HHAT: variants seen among roughly 807,000 people sequenced by gnomAD.
HHAT encodes protein-cysteine N-palmitoyltransferase HHAT.
A neutral mutation model predicts 70.8 loss-of-function variants in HHAT; 47 were observed. The ratio of observed to expected loss-of-function variants is 0.66; its 90% confidence interval spans 0.53 to 0.85. HHAT has a LOEUF of 0.85. Among genes scored for constraint, HHAT ranks in the 40% least tolerant of loss-of-function variants. HHAT has a pLI of 0.00. For synonymous variants in HHAT, 228 were observed against 247.6 expected, an observed-to-expected ratio of 0.92 and a Z score of 0.74; for missense variants, 609 against 604.8, an observed-to-expected ratio of 1.01 and a Z score of -0.07.
intron 9 of HHAT, among the ~76,000 whole-genome samples, chr1:210,546,738 G>C (rs934816297): frequency 6.6e-6 from 1 of 152,214 alleles, no homozygotes; most frequent in African/African-American, 2.4e-5. Flanking sequence ...AAGCAAGGCA[G>C]TGGTTGCAGT....
At chr1:210,517,506 A>G (rs1350439654) in intron 9 of HHAT, among the ~76,000 whole-genome samples, 1 of 152,206 alleles carries the variant, frequency 6.6e-6, no homozygotes, top group Non-Finnish European at 1.5e-5. Flanking sequence ...GAATTTAAAA[A>G]AATTGAACTC....
Position 210,674,495 on chromosome 1 carries a change from A to G in HHAT, c.*116A>G. On this transcript the variant is annotated 3_prime_UTR_variant, in exon 12 of 12. Coordinates refer to ENST00000261458, the MANE Select transcript of HHAT (RefSeq NM_018194.6). ...ATTTGATCTGCTCATCTTCAGTTGA[A>G]TGCCCTCACTCCAAGACTGGATGCT... 1 of 720,848 alleles carries G rather than the reference A, an allele frequency of 1.4e-6. No homozygotes were observed. Among genetic ancestry groups the G allele is most frequent in the African/African-American group, 1.7e-5 (1 of 57,268 alleles). The allele number at this position is 720,848 out of a possible 1,614,324, so 44.7% of individuals were successfully genotyped here. A position where few individuals can be genotyped will look rare whatever the true frequency, so the allele number is the denominator to read the frequency against.
At chr1:210,603,697 A>G (rs1464387881) in intron 10 of HHAT, among the ~76,000 whole-genome samples, 1 of 152,196 alleles carries the variant, frequency 6.6e-6, no homozygotes, top group Non-Finnish European at 1.5e-5. Context: ...GTGTGTGTGC[A>G]TGCCTATGTA....
At position 210,408,125 on chromosome 1, in the gene HHAT, T is replaced by G. The variant is rs751496512; in HGVS notation, c.684+3446T>G. Among the ~76,000 whole-genome samples the G allele has an allele frequency of 4.9e-4, 75 of 152,324 alleles. No homozygotes were observed. In the Middle Eastern group the frequency reaches 0.024, roughly 48 times the overall value. ...CCTCCCTCAGGATTGCTGTGAGGATTAAATGATTGTGTATAGGTAATGTGG... is the reference window on the plus strand; with the variant it reads ...CCTCCCTCAGGATTGCTGTGAGGATGAAATGATTGTGTATAGGTAATGTGG... On this transcript the variant is annotated intron_variant, in intron 6 of 11. Transcript: ENST00000261458.
chr1:210,400,756 G>T, intron 5 of HHAT, 94 bp downstream of exon 5: 1 of 1,208,012 alleles, frequency 8.3e-7, no homozygotes, highest in Non-Finnish European at 1.2e-6. Flanking sequence ...GACAAGAGAT[G>T]ATTGTAGAAC....
intron 9 of HHAT, among the ~76,000 whole-genome samples, chr1:210,519,773 C>T (rs1163105166): frequency 2.0e-5 from 3 of 151,206 alleles, no homozygotes; most frequent in African/African-American, 7.3e-5. Context: ...AGCGATTCTC[C>T]TGCCTTGGCC....
At chr1:210,457,256 C>T (rs376634836) in intron 7 of HHAT, among the ~76,000 whole-genome samples, 3 of 151,980 alleles carry the variant, frequency 2.0e-5, no homozygotes, top group South Asian at 4.1e-4. Context: ...ATTCTTGATT[C>T]GTCTTTATAT....
intron 11 of HHAT, among the ~76,000 whole-genome samples, chr1:210,652,539 G>A (rs1200247273): frequency 6.6e-6 from 1 of 152,154 alleles, no homozygotes; most frequent in East Asian, 1.9e-4. Flanking sequence ...ACTGCTCCCA[G>A]CCAAGCAGGC....
At chr1:210,608,409 T>C (rs1665948934) in intron 10 of HHAT, among the ~76,000 whole-genome samples, 5 of 152,234 alleles carry the variant, frequency 3.3e-5, no homozygotes. Flanking sequence ...TTTGGCTATC[T>C]ATTCTGTTGC....
chr1:210,564,929 T>TA (rs955869191), intron 9 of HHAT, among the ~76,000 whole-genome samples: 3 of 152,026 alleles, frequency 2.0e-5, no homozygotes, highest in Non-Finnish European at 2.9e-5. Context: ...TACCTGCTTT[T>TA]AAAAAAAGCC....
chr1:210,572,171 G>T (rs1033158546), intron 9 of HHAT, among the ~76,000 whole-genome samples: 1 of 152,136 alleles, frequency 6.6e-6, no homozygotes, highest in African/African-American at 2.4e-5. Context: ...AACTTTAAAA[G>T]GTGCCGTCTC....
chr1:210,613,885 T>C (rs1322482435), intron 10 of HHAT, among the ~76,000 whole-genome samples: 1 of 151,982 alleles, frequency 6.6e-6, no homozygotes, highest in African/African-American at 2.4e-5. Context: ...CCAATTGCAA[T>C]TAGCCACACC....
intron 11 of HHAT, among the ~76,000 whole-genome samples, chr1:210,655,672 G>A (rs1676236677): frequency 6.6e-6 from 1 of 152,160 alleles, no homozygotes; most frequent in South Asian, 2.1e-4. Context: ...TAACCGAAGT[G>A]GAAAAAATGT....
chr1:210,537,309 G>A lies in HHAT; in HGVS notation c.1043+24121G>A, dbSNP rs563129565. ...CTCACCCTTCTTCTGCTGTCTGCCC[G>A]TCCCACCAGTTCAGAAACATAGTCT... On this transcript the variant is annotated intron_variant, in intron 9 of 11. Transcript: ENST00000261458. Among the ~76,000 whole-genome samples the A allele has an allele frequency of 9.2e-5, 14 of 152,212 alleles. No individual in the cohort carries two copies. In the South Asian group the frequency reaches 1.0e-3, roughly 11 times the overall value.
intron 7 of HHAT, among the ~76,000 whole-genome samples, chr1:210,454,731 C>T (rs2093826528): frequency 6.6e-6 from 1 of 152,182 alleles, no homozygotes; most frequent in African/African-American, 2.4e-5. Flanking sequence ...ATTTAATATT[C>T]TACCTAGGTA....
intron 1 of HHAT, among the ~76,000 whole-genome samples, chr1:210,344,553 T>G (rs1002418597): frequency 1.3e-5 from 2 of 152,182 alleles, no homozygotes; most frequent in Non-Finnish European, 2.9e-5. Flanking sequence ...GGCAGGGGGC[T>G]CTGAATCTAG....
At chr1:210,417,837 C>G (rs2092770347) in intron 6 of HHAT, among the ~76,000 whole-genome samples, 1 of 152,148 alleles carries the variant, frequency 6.6e-6, no homozygotes, top group Admixed American at 6.5e-5. Flanking sequence ...GGAAAATACA[C>G]TGAGTGCTGC....
chr1:210,401,692 C>CTGCACAAAAAA (rs1396163950), intron 5 of HHAT, among the ~76,000 whole-genome samples: 1 of 152,180 alleles, frequency 6.6e-6, no homozygotes, highest in Admixed American at 6.5e-5. Context: ...GTCACAATAA[C>CTGCACAAAAAA]AGTGCATTTT....
intron 7 of HHAT, among the ~76,000 whole-genome samples, chr1:210,422,257 A>G: frequency 6.6e-6 from 1 of 152,220 alleles, no homozygotes; most frequent in East Asian, 1.9e-4. Context: ...ACAAATAGTT[A>G]TCATTTCTTT....
Sources: allele counts gnomAD v4.1 joint callset (sites outside exome capture counted in the v4.1 genomes callset), GRCh38; gene constraint gnomAD v4.1.1; transcripts MANE v1.5; gene names NCBI Gene and HGNC (gene_info 2026-07-23, HGNC 2026-07-21).